FLI1: variants seen among roughly 807,000 people sequenced by gnomAD.
FLI1 encodes the protein Friend leukemia integration 1 transcription factor.
Under a neutral mutation model 53.1 loss-of-function variants are expected in FLI1, and 13 were observed. The ratio of observed to expected loss-of-function variants is 0.24; its 90% CI spans 0.16 to 0.39. FLI1 has a LOEUF of 0.39. Among genes scored for constraint, FLI1 ranks in the 10% least tolerant of loss-of-function variants. The pLI is 1.00. For missense variants in FLI1, 424 were observed against 600.5 expected, an observed-to-expected ratio of 0.71 and a Z score of 3.07; for synonymous variants, 244 against 236.7, an observed-to-expected ratio of 1.03 and a Z score of -0.28.
Position 128,758,170 on chromosome 11 carries a change from C to A in FLI1, c.74C>A (p.Ala25Glu), listed in dbSNP as rs200865469. ...DQSLFDSAYG[A>E]AAHLPKADMT... ...TCCCTCTTTGACTCAGCGTACGGAG[C>A]GGCAGCCCATCTCCCCAAGGCCGAC... The change falls in exon 2 of 9, where the codon GCG becomes GAG. Residue 25 changes from alanine to glutamate, a missense_variant. Ala to Glu is a moderately radical substitution (Grantham distance 107, BLOSUM62 -1). Transcript: ENST00000527786. 1.2e-6 allele frequency: 2 copies of A among 1,613,352 alleles called. No individual in the cohort carries two copies. The highest frequency in any genetic ancestry group is 4.5e-5 in the East Asian group (2 of 44,854).
intron 5 of FLI1, among the ~76,000 whole-genome samples, chr11:128,783,776 A>G (rs1472632236): frequency 6.6e-6 from 1 of 152,234 alleles, no homozygotes; most frequent in Admixed American, 6.5e-5. Context: ...CTTGGCCTCT[A>G]AGGAGATGAC....
chr11:128,709,575 G>T (rs1037128262), intron 1 of FLI1, among the ~76,000 whole-genome samples: 1 of 152,144 alleles, frequency 6.6e-6, no homozygotes, highest in Non-Finnish European at 1.5e-5. Context: ...AATCAATGGG[G>T]GGTTTACGTA....
At chr11:128,700,227 C>T (rs899399253) in intron 1 of FLI1, among the ~76,000 whole-genome samples, 3 of 152,178 alleles carry the variant, frequency 2.0e-5, no homozygotes, top group Admixed American at 6.5e-5. Flanking sequence ...CACAGTAGCC[C>T]TATGGGAGAT....
chr11:128,780,221 C>T (rs980489160), intron 4 of FLI1, among the ~76,000 whole-genome samples: 2 of 152,218 alleles, frequency 1.3e-5, no homozygotes, highest in South Asian at 2.1e-4. Context: ...TGGCATACAG[C>T]GGGCTCAATA....
chr11:128,771,727 C>G (rs1941564739), intron 3 of FLI1, among the ~76,000 whole-genome samples: 1 of 152,336 alleles, frequency 6.6e-6, no homozygotes, highest in East Asian at 1.9e-4. Context: ...GGAAGTCTTC[C>G]TTGACTCTCC....
upstream of FLI1, among the ~76,000 whole-genome samples, chr11:128,689,876 G>GCC (rs1937667557): frequency 7.4e-6 from 1 of 135,456 alleles, no homozygotes; most frequent in South Asian, 2.8e-4. Flanking sequence ...CCCTCCCGCC[G>GCC]CCGCGGCCTC....
At chr11:128,734,581 T>A (rs1384090307) in intron 1 of FLI1, among the ~76,000 whole-genome samples, 1 of 152,188 alleles carries the variant, frequency 6.6e-6, no homozygotes, top group East Asian at 1.9e-4. Context: ...CACTGTGGTG[T>A]GTTTTGCTTG....
chr11:128,790,093 T>TGTGTGTGTGC (rs1555123870), intron 5 of FLI1, among the ~76,000 whole-genome samples: 2 of 151,404 alleles, frequency 1.3e-5, no homozygotes, highest in Admixed American at 6.6e-5. Flanking sequence ...TGTGTGTGTG[T>TGTGTGTGTGC]GTGCACGCGT....
chr11:128,736,071 G>GT (rs1939902547), intron 1 of FLI1, among the ~76,000 whole-genome samples: 1 of 152,122 alleles, frequency 6.6e-6, no homozygotes, highest in South Asian at 2.1e-4. Context: ...TCCATCTAGC[G>GT]TAACACTGAG....
At chr11:128,753,318 G>T (rs990123236) in intron 1 of FLI1, among the ~76,000 whole-genome samples, 1 of 152,230 alleles carries the variant, frequency 6.6e-6, no homozygotes, top group African/African-American at 2.4e-5. Context: ...TCACTTGGAA[G>T]TCAATTTTAC....
At chr11:128,749,077 G>A (rs756191360) in intron 1 of FLI1, among the ~76,000 whole-genome samples, 19 of 152,048 alleles carry the variant, frequency 1.2e-4, no homozygotes, top group Non-Finnish European at 2.5e-4. Context: ...TTCTGAGATC[G>A]ATTCCCCCCT....
At chr11:128,717,200 C>T (rs1939051403) in intron 1 of FLI1, among the ~76,000 whole-genome samples, 1 of 152,106 alleles carries the variant, frequency 6.6e-6, no homozygotes, top group African/African-American at 2.4e-5. Flanking sequence ...CCTCCTCACC[C>T]CTGCTCCAAG....
At chr11:128,726,955 T>C (rs1447954146) in intron 1 of FLI1, among the ~76,000 whole-genome samples, 1 of 152,042 alleles carries the variant, frequency 6.6e-6, no homozygotes, top group African/African-American at 2.4e-5. Context: ...AGGAAGTGTG[T>C]TCTGCAGGGG....
intron 2 of FLI1, chr11:128,764,879 G>T (rs547473441): frequency 1.3e-6 from 2 of 1,553,894 alleles, no homozygotes; most frequent in East Asian, 4.6e-5. Flanking sequence ...CTGGGCAAGT[G>T]TGGGGAACCA....
chr11:128,716,830 A>C (rs1052274306), intron 1 of FLI1, among the ~76,000 whole-genome samples: 4 of 152,124 alleles, frequency 2.6e-5, no homozygotes, highest in African/African-American at 9.7e-5. Context: ...ACTGAGACAA[A>C]GAGTCTAAAT....
At chr11:128,731,560 AAAAC>A (rs1053484608) in intron 1 of FLI1, among the ~76,000 whole-genome samples, 4 of 152,208 alleles carry the variant, frequency 2.6e-5, no homozygotes, top group Non-Finnish European at 4.4e-5. Context: ...AATAAAACAA[AAAAC>A]AAACAAAAAA....
In FLI1 at chr11:128,721,066, T is replaced by C. The variant is rs540353311; in HGVS notation, c.18+26790T>C. On this transcript the variant is annotated intron_variant, in intron 1 of 8. Coordinates refer to ENST00000527786, the MANE Select transcript of FLI1 (RefSeq NM_002017.5). ...CTCTCAACTAATCCAGAGAAGCTTCTGGAGAATCTGTCCTTGCCAACTAGG... is the reference window on the plus strand; with the variant it reads ...CTCTCAACTAATCCAGAGAAGCTTCCGGAGAATCTGTCCTTGCCAACTAGG... Among the ~76,000 whole-genome samples, 64 of 152,326 alleles carry C rather than the reference T, an allele frequency of 4.2e-4. 1 individual carries two copies. In the South Asian group the frequency reaches 0.012, roughly 29 times the overall value.
chr11:128,766,390 G>A (rs1463197583), intron 2 of FLI1, among the ~76,000 whole-genome samples: 2 of 152,150 alleles, frequency 1.3e-5, no homozygotes, highest in African/African-American at 4.8e-5. Context: ...TAGGCGAATA[G>A]TAAAACCTTA....
chr11:128,765,908 C>A (rs1941322781), intron 2 of FLI1, among the ~76,000 whole-genome samples: 1 of 152,054 alleles, frequency 6.6e-6, no homozygotes, highest in South Asian at 2.1e-4. Flanking sequence ...GAAATGTGTG[C>A]TTCCATGTGG....
Sources: allele counts gnomAD v4.1 joint callset (sites outside exome capture counted in the v4.1 genomes callset), GRCh38; gene constraint gnomAD v4.1.1; transcripts MANE v1.5; gene names NCBI Gene and HGNC (gene_info 2026-07-23, HGNC 2026-07-21).